The following ADAM32 variants were observed in gnomAD, a reference collection of about 807,000 sequenced individuals.
The protein encoded by ADAM32 is ADAM metallopeptidase domain 32, also known as disintegrin and metalloproteinase domain-containing protein 32.
A neutral mutation model predicts 114.9 loss-of-function variants in ADAM32; 89 were observed. The ratio of observed to expected loss-of-function variants is 0.77; its 90% CI spans 0.65 to 0.92. ADAM32 has a LOEUF of 0.92. Among genes scored for constraint, ADAM32 ranks in the 40% least tolerant of loss-of-function variants. ADAM32 has a pLI of 0.00. For synonymous variants in ADAM32, 285 were observed against 307.5 expected (o/e 0.93, Z 0.77); for missense variants, 870 against 932.8 (o/e 0.93, Z 0.88).
intron 19 of ADAM32, 77 bp from the exon 20 acceptor site, chr8:39,270,798 TA>T (rs1564727713): frequency 8.7e-7 from 1 of 1,145,696 alleles, no homozygotes; most frequent in Admixed American, 2.1e-5. Context: ...ATACTGATTA[TA>T]AAATGGACTG....
At chr8:39,195,275 C>T (rs1003420486) in intron 11 of ADAM32, among the ~76,000 whole-genome samples, 4 of 152,072 alleles carry the variant, frequency 2.6e-5, no homozygotes, top group South Asian at 2.1e-4. Context: ...CCCTTAAATG[C>T]GATTATTTTT....
intron 11 of ADAM32, 39 bp from the exon 12 acceptor site, chr8:39,211,105 A>C (rs1200163347): frequency 1.5e-6 from 2 of 1,364,032 alleles, no homozygotes; most frequent in Non-Finnish European, 1.9e-6. Flanking sequence ...GTGTTTCCAG[A>C]AGTATACTGC....
chr8:39,278,012 G>A (rs1564742542), intron 22 of ADAM32, among the ~76,000 whole-genome samples: 1 of 152,178 alleles, frequency 6.6e-6, no homozygotes, highest in Non-Finnish European at 1.5e-5. Flanking sequence ...AAATGAGGTT[G>A]CATGAATGAA....
At chr8:39,265,171 C>T (rs1480161433) in intron 19 of ADAM32, among the ~76,000 whole-genome samples, 1 of 152,084 alleles carries the variant, frequency 6.6e-6, no homozygotes. Context: ...TTTATGAATC[C>T]AGGTGTTACA....
intron 11 of ADAM32, among the ~76,000 whole-genome samples, chr8:39,200,578 C>T (rs1329428809): frequency 2.6e-5 from 4 of 152,062 alleles, no homozygotes; most frequent in Non-Finnish European, 5.9e-5. Context: ...TAGGTTGCCT[C>T]TTCACTCTGA....
intron 11 of ADAM32, among the ~76,000 whole-genome samples, chr8:39,195,626 G>A (rs1304447063): frequency 6.6e-6 from 1 of 152,106 alleles, no homozygotes; most frequent in Non-Finnish European, 1.5e-5. Context: ...TAGGGCCCTA[G>A]TTTCATTCTT....
In ADAM32 at chr8:39,107,814, C is replaced by A. The variant is rs1171712356; in HGVS notation, c.39C>A (p.Gly13=). The change falls in exon 1 of 25, where the codon GGC becomes GGA. Residue 13 remains glycine (G), a synonymous_variant. Transcript: ENST00000379907. ...RLWLLLAGLC[G]LLASRPGFQN... ...GGTTGCTGCTGGCCGGGCTCTGCGG[C>A]CTCCTGGCGTCAAGACCCGGTGAGC... is the stretch of plus-strand genomic sequence containing the variant. 6.5e-7 allele frequency: 1 copy of A among 1,548,070 alleles called. No homozygotes were observed. The highest frequency in any genetic ancestry group is 1.2e-5 in the South Asian group (1 of 83,820).
chr8:39,210,515 C>T, intron 11 of ADAM32, among the ~76,000 whole-genome samples: 1 of 152,084 alleles, frequency 6.6e-6, no homozygotes, highest in East Asian at 1.9e-4. Context: ...CCTCCTCTTC[C>T]ACATCTGATA....
rs1257799310 is a variant in ADAM32, at chr8:39,236,343, C to T, written c.1818+2261C>T. 2.0e-5 allele frequency among the ~76,000 whole-genome samples: 3 copies of T among 152,002 alleles called. No homozygotes were observed. The East Asian group carries it at 5.8e-4, about 29-fold the overall frequency. On this transcript the variant is annotated intron_variant, in intron 16 of 24. Coordinates refer to ENST00000379907, the MANE Select transcript of ADAM32 (RefSeq NM_145004.7). ...CAATTAATACAAGATATTCTTTGAACTGTGTACTCAGGGATAGTCTTGTTA... is the reference window on the plus strand; with the variant it reads ...CAATTAATACAAGATATTCTTTGAATTGTGTACTCAGGGATAGTCTTGTTA...
chr8:39,200,073 A>G (rs965225544), intron 11 of ADAM32, among the ~76,000 whole-genome samples: 1 of 152,226 alleles, frequency 6.6e-6, no homozygotes, highest in Non-Finnish European at 1.5e-5. Context: ...ATAGTGCTGC[A>G]ATAAACATAT....
chr8:39,191,724 C>A lies in ADAM32; in HGVS notation c.1052+4679C>A, dbSNP rs1010975372. Among the ~76,000 whole-genome samples, 3 of 152,120 alleles carry A rather than the reference C, an allele frequency of 2.0e-5. No homozygotes were observed. In the East Asian group the frequency reaches 5.8e-4, roughly 29 times the overall value. On this transcript the variant is annotated intron_variant, in intron 11 of 24. Coordinates refer to ENST00000379907, the MANE Select transcript of ADAM32 (RefSeq NM_145004.7). ...TGTTTGTTTACTCTGTTGATAGTTT[C>A]TTTTGCTGTGCAGAAGCTCTTTAGT...
intron 2 of ADAM32, among the ~76,000 whole-genome samples, chr8:39,133,825 T>A (rs1802609646): frequency 6.6e-6 from 1 of 152,176 alleles, no homozygotes; most frequent in South Asian, 2.1e-4. Flanking sequence ...AGCCTGAGCT[T>A]GCCCTCAGGC....
chr8:39,248,221 C>T (rs1293166426), intron 17 of ADAM32, among the ~76,000 whole-genome samples: 1 of 152,174 alleles, frequency 6.6e-6, no homozygotes, highest in Non-Finnish European at 1.5e-5. Context: ...TTAATTTCCA[C>T]AGAACACCTT....
intron 9 of ADAM32, chr8:39,169,711 A>G: frequency 2.4e-6 from 1 of 416,940 alleles, no homozygotes; most frequent in Non-Finnish European, 4.2e-6. Flanking sequence ...TGTTTCAGAT[A>G]TCAAGAGTGT....
At chr8:39,279,469 A>T (rs537886001) in intron 22 of ADAM32, among the ~76,000 whole-genome samples, 54 of 152,232 alleles carry the variant, frequency 3.5e-4, no homozygotes, top group African/African-American at 1.3e-3. Context: ...GTTTTAGTAG[A>T]GACGGGGTTT....
chr8:39,191,791 T>G (rs1467262859), intron 11 of ADAM32, among the ~76,000 whole-genome samples: 1 of 152,196 alleles, frequency 6.6e-6, no homozygotes, highest in African/African-American at 2.4e-5. Context: ...TTTGTTGTAA[T>G]TGCTTTTGGA....
chr8:39,151,673 A>ATAT, intron 6 of ADAM32, 125 bp downstream of exon 6: 2 of 564,486 alleles, frequency 3.5e-6, no homozygotes, highest in Non-Finnish European at 5.1e-6. Flanking sequence ...TGAACATCTT[A>ATAT]TCTTTTTTTT....
At chr8:39,242,640 C>T (rs1051002028) in intron 16 of ADAM32, among the ~76,000 whole-genome samples, 4 of 152,128 alleles carry the variant, frequency 2.6e-5, no homozygotes, top group Non-Finnish European at 4.4e-5. Flanking sequence ...ATTCAATTAC[C>T]TCCCACTGGT....
intron 11 of ADAM32, among the ~76,000 whole-genome samples, chr8:39,205,697 C>T (rs574252478): frequency 6.6e-6 from 1 of 152,336 alleles, no homozygotes; most frequent in South Asian, 2.1e-4. Context: ...CAGAAATCAC[C>T]CATCTTCTGC....
Sources: gnomAD v4.1 joint callset for allele counts (sites outside exome capture counted in the v4.1 genomes callset) on GRCh38, gnomAD v4.1.1 for gene constraint, MANE v1.5 for transcripts, NCBI Gene and HGNC (gene_info 2026-07-23, HGNC 2026-07-21) for gene names.